Variants in DNAH9 observed in about 807,000 individuals in gnomAD.
DNAH9 encodes dynein axonemal heavy chain 9, also known as DNAH9 variant protein.
A neutral mutation model predicts 471.6 loss-of-function variants in DNAH9; 345 were observed. The ratio of observed to expected loss-of-function variants is 0.73; its 90% confidence interval spans 0.67 to 0.80. The LOEUF is 0.80. DNAH9 is among the 30% of genes least tolerant of loss of function. The pLI is 0.00. For synonymous variants in DNAH9, 2,093 were observed against 2,123.6 expected (o/e 0.99, Z 0.40); for missense variants, 5,407 against 5,609.2 (o/e 0.96, Z 1.15).
At chr17:11,720,894 G>C (rs1318033934) in intron 27 of DNAH9, among the ~76,000 whole-genome samples, 4 of 152,162 alleles carry the variant, frequency 2.6e-5, no homozygotes, top group Admixed American at 6.5e-5. Flanking sequence ...CTTTAAGTCA[G>C]GCTGGAACAG....
intron 51 of DNAH9, 107 bp downstream of exon 51, chr17:11,869,360 AG>A: frequency 4.2e-6 from 6 of 1,442,068 alleles, no homozygotes; most frequent in Non-Finnish European, 5.6e-6. Flanking sequence ...TTTGACTTGG[AG>A]GGAAGTATTA....
At chr17:11,824,797 T>C (rs1007040576) in intron 48 of DNAH9, among the ~76,000 whole-genome samples, 1 of 152,186 alleles carries the variant, frequency 6.6e-6, no homozygotes, top group Non-Finnish European at 1.5e-5. Context: ...GAAACTGTCC[T>C]ACTGATAATG....
At chr17:11,757,102 G>A (rs1465303799) in intron 34 of DNAH9, among the ~76,000 whole-genome samples, 1 of 152,088 alleles carries the variant, frequency 6.6e-6, no homozygotes, top group Non-Finnish European at 1.5e-5. Context: ...GTTGCCAAAG[G>A]TGAGGGTTGG....
intron 67 of DNAH9, among the ~76,000 whole-genome samples, chr17:11,953,449 T>C (rs1342217427): frequency 6.6e-6 from 1 of 152,156 alleles, no homozygotes; most frequent in African/African-American, 2.4e-5. Context: ...AGTGAAGTGG[T>C]ATCAAAGCTA....
rs1567559480 is a variant in DNAH9, at chr17:11,932,324, C to T, written c.12297+119C>T. On this transcript the variant is annotated intron_variant, in intron 64 of 68. Coordinates refer to ENST00000262442, the MANE Select transcript of DNAH9 (RefSeq NM_001372.4). The surrounding 1 kb of genome is among the most constrained non-coding windows in gnomAD (Gnocchi z 4.3). ...CCTGAGAATGTGCATTTCTAACAAG[C>T]TCCCTCGTGATGCAGATGCTGCTGA... The T allele has an allele frequency of 1.9e-6, 2 of 1,050,680 alleles. No individual in the cohort carries two copies. The highest frequency in any genetic ancestry group is 2.7e-6 in the Non-Finnish European group (2 of 741,448). The allele number at this position is 1,050,680 out of a possible 1,614,324, so 65.1% of individuals were successfully genotyped here. A position where few individuals can be genotyped will look rare whatever the true frequency, so the allele number is the denominator to read the frequency against.
intron 1 of DNAH9, among the ~76,000 whole-genome samples, chr17:11,599,889 G>A (rs1567654222): frequency 1.3e-5 from 2 of 152,180 alleles, no homozygotes; most frequent in Non-Finnish European, 2.9e-5. Flanking sequence ...GAGCTGAAAC[G>A]TATGTAATAA....
At chr17:11,650,632 G>A (rs1319833733) in intron 12 of DNAH9, among the ~76,000 whole-genome samples, 1 of 152,180 alleles carries the variant, frequency 6.6e-6, no homozygotes, top group East Asian at 1.9e-4. Context: ...GTTTCATTTG[G>A]AGAGAATGCC....
intron 27 of DNAH9, among the ~76,000 whole-genome samples, chr17:11,725,469 A>G (rs2075134484): frequency 6.6e-6 from 1 of 152,248 alleles, no homozygotes; most frequent in Admixed American, 6.5e-5. Context: ...TCTCTGGCAC[A>G]TAGTATATGC....
intron 61 of DNAH9, among the ~76,000 whole-genome samples, chr17:11,913,534 G>A (rs1158338740): frequency 6.6e-6 from 1 of 152,164 alleles, no homozygotes; most frequent in Non-Finnish European, 1.5e-5. Flanking sequence ...TATAATCCCA[G>A]CACTTTGGGA....
chr17:11,932,058 C>T lies in DNAH9; in HGVS notation c.12150C>T (p.Ile4050=), dbSNP rs1477301522. 6.2e-7 allele frequency: 1 copy of T among 1,614,008 alleles called. No homozygotes were observed. The highest frequency in any genetic ancestry group is 8.5e-7 in the Non-Finnish European group (1 of 1,180,028). The change falls in exon 64 of 69, where the codon ATC becomes ATT. Residue 4050 remains isoleucine, a synonymous_variant. Transcript: ENST00000262442. This position sits in a 1 kb window ranked among gnomAD's most constrained non-coding sequence, Gnocchi z 4.3. ...CTCGGGAGACGGAGTTTAAGAGCAT[C>T]CTCTTTGCTCTTTGTTACTTCCATG... ...MCSRETEFKS[I]LFALCYFHAV... is the part of the protein sequence containing the mutation.
In DNAH9 at chr17:11,784,490, T is replaced by A; in HGVS notation, c.8012T>A (p.Ile2671Asn). 1 of 1,614,158 alleles carries A rather than the reference T, an allele frequency of 6.2e-7. No individual in the cohort carries two copies. The highest frequency in any genetic ancestry group is 1.1e-5 in the South Asian group (1 of 91,090). ...GCTACCACCTTCCTACCCACAGGAA[T>A]CAAATTCCACTACATCTTCAACCTC... is the stretch of plus-strand genomic sequence containing the variant. ...KIATTFLPTG[I>N]KFHYIFNLRD... The change falls in exon 41 of 69, where the codon ATC (isoleucine) becomes AAC (asparagine). Residue 2671 changes from isoleucine to asparagine, a missense_variant. Physicochemically the swap from Ile to Asn is moderately radical, Grantham distance 149. Transcript: ENST00000262442.
At chr17:11,725,280 GT>G (rs753377696) in intron 27 of DNAH9, among the ~76,000 whole-genome samples, 7 of 152,290 alleles carry the variant, frequency 4.6e-5, no homozygotes, top group Non-Finnish European at 1.0e-4. Flanking sequence ...CAGACAGGAT[GT>G]CCCTGACAGC....
chr17:11,784,282 C>A lies in DNAH9; in HGVS notation c.7822-18C>A, dbSNP rs1309744310. 6.2e-7 allele frequency: 1 copy of A among 1,612,232 alleles called. No homozygotes were observed. The highest frequency in any genetic ancestry group is 8.5e-7 in the Non-Finnish European group (1 of 1,178,402). On this transcript the variant is annotated intron_variant, in intron 40 of 68. Coordinates refer to ENST00000262442, the MANE Select transcript of DNAH9 (RefSeq NM_001372.4). ...CGTGGTAACGGATGTTGAGCTCATGCCTTTGTTTCCTGTACAGCGTCACTT... is the reference window on the plus strand; with the variant it reads ...CGTGGTAACGGATGTTGAGCTCATGACTTTGTTTCCTGTACAGCGTCACTT...
chr17:11,897,258 C>T (rs1973252088), intron 59 of DNAH9, among the ~76,000 whole-genome samples: 3 of 152,314 alleles, frequency 2.0e-5, no homozygotes, highest in South Asian at 4.1e-4. Flanking sequence ...CATCTCAATT[C>T]AGATGCCAAA....
intron 61 of DNAH9, among the ~76,000 whole-genome samples, chr17:11,909,502 C>A (rs1257466483): frequency 6.6e-6 from 1 of 152,164 alleles, no homozygotes; most frequent in Non-Finnish European, 1.5e-5. Flanking sequence ...CCAATAAAGA[C>A]CCTGGCCTAC....
intron 19 of DNAH9, among the ~76,000 whole-genome samples, chr17:11,689,094 C>CAA (rs113884616): frequency 0.025 from 3,681 of 147,468 alleles, 160 homozygotes; most frequent in African/African-American, 0.086. Flanking sequence ...GACTCTGTCT[C>CAA]AAAAAAAAAA....
chr17:11,952,136 T>C (rs1196850528), intron 67 of DNAH9, among the ~76,000 whole-genome samples: 4 of 104,684 alleles, frequency 3.8e-5, no homozygotes, highest in Non-Finnish European at 7.3e-5. Context: ...CAAAGCTATA[T>C]TACTTTTTTT....
intron 52 of DNAH9, among the ~76,000 whole-genome samples, chr17:11,872,558 C>T (rs1972310918): frequency 1.3e-5 from 2 of 152,184 alleles, no homozygotes. Flanking sequence ...AGGAGGCACA[C>T]AAAACGTTCA....
chr17:11,814,690 A>C (rs1157720409), intron 45 of DNAH9, among the ~76,000 whole-genome samples: 1 of 152,124 alleles, frequency 6.6e-6, no homozygotes, highest in Non-Finnish European at 1.5e-5. Flanking sequence ...CTCTAAACCA[A>C]ACTGTTCTTT....
Sources: gnomAD v4.1 joint callset for allele counts (sites outside exome capture counted in the v4.1 genomes callset) on GRCh38, gnomAD v4.1.1 for gene constraint, Gnocchi (gnomAD v3.1) non-coding constraint, MANE v1.5 for transcripts, NCBI Gene and HGNC (gene_info 2026-07-23, HGNC 2026-07-21) for gene names.